MLIP: variants seen among roughly 807,000 people sequenced by gnomAD.
MLIP encodes muscular LMNA-interacting protein.
Under a neutral mutation model 84.8 loss-of-function variants are expected in MLIP, and 79 were observed. The observed-to-expected ratio is 0.93, with a 90% CI of 0.78 to 1.12. The LOEUF (loss-of-function observed/expected upper bound fraction) is 1.12. Ranked by LOEUF, MLIP falls within the 50% of genes most tolerant of loss-of-function variation. MLIP has a pLI of 0.00. For synonymous variants in MLIP, 504 were observed against 463.0 expected (o/e 1.09, Z -1.14); for missense variants, 1,257 against 1,160.6 (o/e 1.08, Z -1.21).
intron 9 of MLIP, among the ~76,000 whole-genome samples, chr6:54,176,752 T>A (rs539825242): frequency 2.0e-5 from 3 of 152,170 alleles, no homozygotes; most frequent in Non-Finnish European, 4.4e-5. Flanking sequence ...AAGACAATCC[T>A]AAGCAAAAAG....
intron 4 of MLIP, among the ~76,000 whole-genome samples, chr6:54,142,284 C>G (rs1362308963): frequency 6.6e-6 from 1 of 152,086 alleles, no homozygotes; most frequent in Non-Finnish European, 1.5e-5. Context: ...GGAAGAGAAA[C>G]AATCAATAAT....
chr6:54,178,523 T>TA (rs1406473879), intron 9 of MLIP, among the ~76,000 whole-genome samples: 1 of 152,112 alleles, frequency 6.6e-6, no homozygotes, highest in African/African-American at 2.4e-5. Flanking sequence ...GTTTGTTTTT[T>TA]ATGTAGGCAC....
chr6:54,125,155 T>A (rs1245289199), intron 3 of MLIP, among the ~76,000 whole-genome samples: 1 of 152,180 alleles, frequency 6.6e-6, no homozygotes, highest in Non-Finnish European at 1.5e-5. Context: ...TTTAAATAAT[T>A]CTTGGAGAAG....
At chr6:54,129,353 C>G (rs1308753509) in intron 3 of MLIP, among the ~76,000 whole-genome samples, 2 of 152,134 alleles carry the variant, frequency 1.3e-5, no homozygotes, top group African/African-American at 4.8e-5. Flanking sequence ...ACTTCTGCTT[C>G]CCATCACCTA....
intron 2 of MLIP, among the ~76,000 whole-genome samples, chr6:54,123,370 T>C (rs1276084529): frequency 6.6e-6 from 1 of 152,214 alleles, no homozygotes; most frequent in African/African-American, 2.4e-5. Context: ...AAAAAGTATG[T>C]AATAAAATCC....
At chr6:54,140,159 C>A (rs75953803) in intron 4 of MLIP, among the ~76,000 whole-genome samples, 1 of 152,040 alleles carries the variant, frequency 6.6e-6, no homozygotes, top group African/African-American at 2.4e-5. Context: ...ATTTTTTGAA[C>A]CATGATGCCA....
In MLIP at chr6:54,088,615, T is replaced by C. The variant is rs558713582; in HGVS notation, c.64-32832T>C. On this transcript the variant is annotated intron_variant, in intron 1 of 12. Transcript: ENST00000274897. ...GGTGACCGTTGTTTATCAGTTTCTA[T>C]GAAGCTCAAAAAGCTTGTCATATAA... Among the ~76,000 whole-genome samples, 14 of 152,332 alleles carry C rather than the reference T, an allele frequency of 9.2e-5. 1 individual carries two copies. The South Asian group carries it at 2.1e-3, about 23-fold the overall frequency.
At chr6:54,256,929 A>G (rs1254239567) in intron 12 of MLIP, among the ~76,000 whole-genome samples, 2 of 152,124 alleles carry the variant, frequency 1.3e-5, no homozygotes, top group Non-Finnish European at 2.9e-5. Flanking sequence ...CTTTTCAGTT[A>G]GAGGCCTATT....
chr6:54,193,060 G>A (rs942786636), intron 10 of MLIP, among the ~76,000 whole-genome samples: 2 of 152,130 alleles, frequency 1.3e-5, no homozygotes, highest in African/African-American at 4.8e-5. Context: ...AATTGAAAAG[G>A]AAAGAAGAAA....
At chr6:54,157,319 T>C (rs556334588) in intron 5 of MLIP, among the ~76,000 whole-genome samples, 1 of 152,246 alleles carries the variant, frequency 6.6e-6, no homozygotes, top group Non-Finnish European at 1.5e-5. Context: ...TCTGCTAGAA[T>C]TGAGAGAGCC....
Position 54,136,972 on chromosome 6 carries a change from T to C in MLIP, c.903T>C (p.His301=). 1 of 1,536,050 alleles carries C rather than the reference T, an allele frequency of 6.5e-7. No individual in the cohort carries two copies. The highest frequency in any genetic ancestry group is 8.7e-7 in the Non-Finnish European group (1 of 1,146,860). The change falls in exon 4 of 14, where the codon CAT becomes CAC. Residue 301 remains histidine (H), a synonymous_variant. Coordinates refer to ENST00000502396, the MANE Select transcript of MLIP (RefSeq NM_001281747.2). ...CCTCCTCGACGTTACTGTTTCCCCA[T>C]TCCACTCAACTATCAGGTTCTAATT... ...KGTSSTLLFP[H]STQLSGSNLP...
chr6:54,077,028 G>T (rs1187882313), intron 1 of MLIP, among the ~76,000 whole-genome samples: 1 of 152,156 alleles, frequency 6.6e-6, no homozygotes, highest in Non-Finnish European at 1.5e-5. Context: ...TCTTGTGTTA[G>T]AACAAATACT....
intron 11 of MLIP, among the ~76,000 whole-genome samples, chr6:54,221,923 T>A (rs1582545300): frequency 6.6e-6 from 1 of 152,128 alleles, no homozygotes. Context: ...TCACAAAAAA[T>A]TTATAAATTA....
chr6:54,260,508 G>T (rs185426977), intron 13 of MLIP, among the ~76,000 whole-genome samples: 1 of 152,080 alleles, frequency 6.6e-6, no homozygotes, highest in Admixed American at 6.6e-5. Context: ...CAAAGTTTGA[G>T]ATCTTCAAAT....
intron 3 of MLIP, 137 bp from the exon 4 acceptor site, chr6:54,136,578 A>G (rs1771813994): frequency 2.0e-5 from 14 of 685,368 alleles, no homozygotes; most frequent in Non-Finnish European, 2.9e-5. Flanking sequence ...GCAAAATAGA[A>G]TTTCCTTCAT....
intron 3 of MLIP, among the ~76,000 whole-genome samples, chr6:54,132,201 A>G (rs760471883): frequency 8.5e-5 from 13 of 152,238 alleles, no homozygotes; most frequent in Non-Finnish European, 1.9e-4. Context: ...TGAATGGGAA[A>G]GAACAGAGAA....
At chr6:54,142,083 T>A (rs1039393460) in intron 4 of MLIP, among the ~76,000 whole-genome samples, 3 of 152,218 alleles carry the variant, frequency 2.0e-5, no homozygotes, top group Non-Finnish European at 4.4e-5. Context: ...CAGAACCACA[T>A]GTAATTTGGA....
At chr6:54,067,144 G>A (rs1473830537) in intron 1 of MLIP, among the ~76,000 whole-genome samples, 1 of 100,818 alleles carries the variant, frequency 9.9e-6, no homozygotes, top group African/African-American at 2.5e-5. Context: ...TTTACTGAAG[G>A]CATTTATTTA....
chr6:54,169,478 ATTAT>A, intron 8 of MLIP, 46 bp from the exon 9 acceptor site: 1 of 1,301,586 alleles, frequency 7.7e-7, no homozygotes. Flanking sequence ...TGAGTCTATT[ATTAT>A]TTACTTTATT....
Sources: allele counts gnomAD v4.1 joint callset (sites outside exome capture counted in the v4.1 genomes callset), GRCh38; gene constraint gnomAD v4.1.1; transcripts MANE v1.5; gene names NCBI Gene and HGNC (gene_info 2026-07-23, HGNC 2026-07-21).